KCNK10: variants seen among roughly 807,000 people sequenced by gnomAD.
KCNK10 encodes potassium channel subfamily K member 10.
KCNK10 carries 25 observed loss-of-function variants against 47.7 expected under a neutral mutation model. The ratio of observed to expected loss-of-function variants is 0.52; its 90% CI spans 0.38 to 0.73. The LOEUF is 0.73. KCNK10 is among the 30% of genes least tolerant of loss of function. The pLI is 0.00. For missense variants in KCNK10, 563 were observed against 714.5 expected (o/e 0.79, Z 2.42); for synonymous variants, 303 against 285.6 (o/e 1.06, Z -0.61).
chr14:88,207,302 A>T (rs931164622), intron 4 of KCNK10, among the ~76,000 whole-genome samples: 4 of 151,552 alleles, frequency 2.6e-5, no homozygotes, highest in African/African-American at 9.7e-5. Flanking sequence ...CCTCCCGAGC[A>T]GCTGGGACTA....
chr14:88,325,528 G>A (rs10139044), upstream of KCNK10, among the ~76,000 whole-genome samples: 22,878 of 152,148 alleles, frequency 0.15, 2,014 homozygotes, highest in African/African-American at 0.24. Flanking sequence ...CACGATATGA[G>A]GATTCAAACC....
Position 88,189,749 on chromosome 14 carries a change from C to T in KCNK10, c.869-1640G>A, listed in dbSNP as rs766080069. Among the ~76,000 whole-genome samples the T allele has an allele frequency of 9.2e-5, 14 of 152,170 alleles. No homozygotes were observed. In the East Asian group the frequency reaches 2.3e-3, roughly 25 times the overall value. Reference sequence around the variant, plus strand: ...ATTTCTAGTAGAGTTCATACTATGTCGAATCACAGCAACCATCAACTCTTG... The same window carrying T: ...ATTTCTAGTAGAGTTCATACTATGTTGAATCACAGCAACCATCAACTCTTG... On this transcript the variant is annotated intron_variant, in intron 5 of 6. Coordinates refer to ENST00000319231, the MANE Select transcript of KCNK10 (RefSeq NM_138317.3).
At chr14:88,208,694 T>C (rs1199912867) in intron 4 of KCNK10, among the ~76,000 whole-genome samples, 1 of 152,206 alleles carries the variant, frequency 6.6e-6, no homozygotes, top group African/African-American at 2.4e-5. Context: ...AAAAATCACA[T>C]GGAAGTTCTC....
At chr14:88,323,916 A>T (rs1888608880), upstream of KCNK10, among the ~76,000 whole-genome samples, 2 of 152,076 alleles carry the variant, frequency 1.3e-5, no homozygotes, top group Non-Finnish European at 2.9e-5. Flanking sequence ...CCGCACTCCA[A>T]GGAGGCCCGT....
At chr14:88,210,156 T>C (rs1885408275) in intron 4 of KCNK10, among the ~76,000 whole-genome samples, 2 of 152,204 alleles carry the variant, frequency 1.3e-5, no homozygotes, top group Admixed American at 1.3e-4. Flanking sequence ...TATCCTCATT[T>C]TTTCAAATAA....
chr14:88,308,838 T>C (rs1390310158), intron 1 of KCNK10, among the ~76,000 whole-genome samples: 1 of 152,236 alleles, frequency 6.6e-6, no homozygotes, highest in Non-Finnish European at 1.5e-5. Flanking sequence ...TGTCACCACC[T>C]TTGACAGCAT....
intron 4 of KCNK10, among the ~76,000 whole-genome samples, chr14:88,221,668 T>C (rs1006027064): frequency 6.6e-6 from 1 of 152,234 alleles, no homozygotes; most frequent in Non-Finnish European, 1.5e-5. Flanking sequence ...AGCATATTCT[T>C]ACCATCCAAT....
chr14:88,311,442 C>T (rs1273708258), intron 1 of KCNK10, among the ~76,000 whole-genome samples: 1 of 152,140 alleles, frequency 6.6e-6, no homozygotes, highest in Non-Finnish European at 1.5e-5. Context: ...ACTTTCCAAC[C>T]AGTAGCAAAA....
upstream of KCNK10, chr14:88,326,727 C>A (rs1888672679): frequency 2.1e-6 from 1 of 479,908 alleles, no homozygotes; most frequent in Non-Finnish European, 3.7e-6. Context: ...CCGGCTGGAG[C>A]GCACCAATAG....
intron 4 of KCNK10, among the ~76,000 whole-genome samples, chr14:88,219,802 A>C (rs1885738802): frequency 6.6e-6 from 1 of 152,118 alleles, no homozygotes; most frequent in Admixed American, 6.5e-5. Flanking sequence ...CACCACGACC[A>C]CAAATAATTT....
In KCNK10 at chr14:88,279,760, C is replaced by T. The variant is rs528017334; in HGVS notation, c.53-16209G>A. The stretch of plus-strand genomic sequence containing the variant: ...GGGTGATATGATTTGGCTGTGTTCC[C>T]ACCCAAGTCTCAACTTGAACTGTAT... On this transcript the variant is annotated intron_variant, in intron 1 of 6. Transcript: ENST00000319231. 4.6e-5 allele frequency among the ~76,000 whole-genome samples: 7 copies of T among 152,238 alleles called. No homozygotes were observed. The South Asian group carries it at 1.4e-3, about 32-fold the overall frequency.
chr14:88,258,514 C>T (rs889048367), intron 2 of KCNK10, among the ~76,000 whole-genome samples: 3 of 152,182 alleles, frequency 2.0e-5, no homozygotes, highest in Admixed American at 6.5e-5. Context: ...TGGTCTCAAA[C>T]TCCTGACATC....
intron 4 of KCNK10, among the ~76,000 whole-genome samples, chr14:88,194,112 TCTC>T (rs1884835635): frequency 6.6e-6 from 1 of 152,146 alleles, no homozygotes; most frequent in Non-Finnish European, 1.5e-5. Context: ...ACCCTCCTAA[TCTC>T]CTCAGAGAAG....
At chr14:88,223,108 C>G (rs1368794620) in intron 4 of KCNK10, among the ~76,000 whole-genome samples, 1 of 152,130 alleles carries the variant, frequency 6.6e-6, no homozygotes, top group Non-Finnish European at 1.5e-5. Context: ...ATTACAAGAG[C>G]TATCATAAAA....
intron 1 of KCNK10, among the ~76,000 whole-genome samples, chr14:88,309,699 C>T (rs955500458): frequency 5.9e-5 from 9 of 152,192 alleles, no homozygotes; most frequent in African/African-American, 1.4e-4. Context: ...GTTAGCATTA[C>T]GGGTTCATAG....
intron 1 of KCNK10, among the ~76,000 whole-genome samples, chr14:88,314,772 A>G (rs1050046945): frequency 1.3e-5 from 2 of 152,088 alleles, no homozygotes; most frequent in Non-Finnish European, 2.9e-5. Flanking sequence ...GGCAGGTACC[A>G]CTCATGGAGC....
chr14:88,240,009 A>C (rs910871546), intron 3 of KCNK10, among the ~76,000 whole-genome samples: 1 of 152,166 alleles, frequency 6.6e-6, no homozygotes, highest in African/African-American at 2.4e-5. Flanking sequence ...TACAGGAAAG[A>C]GGTCATCACT....
chr14:88,262,068 C>T (rs947533883), intron 2 of KCNK10, among the ~76,000 whole-genome samples: 10 of 152,184 alleles, frequency 6.6e-5, no homozygotes, highest in Non-Finnish European at 8.8e-5. Context: ...AAGAAAACAG[C>T]GCAGACTGGT....
chr14:88,317,258 C>T (rs909080459), intron 1 of KCNK10, among the ~76,000 whole-genome samples: 4 of 152,068 alleles, frequency 2.6e-5, no homozygotes, highest in Non-Finnish European at 5.9e-5. Context: ...ATCTAAGCTC[C>T]GCAAATGTGT....
Sources: gnomAD v4.1 joint callset for allele counts (sites outside exome capture counted in the v4.1 genomes callset) on GRCh38, gnomAD v4.1.1 for gene constraint, MANE v1.5 for transcripts, NCBI Gene and HGNC (gene_info 2026-07-23, HGNC 2026-07-21) for gene names.